Variants in PISD observed in about 807,000 individuals in gnomAD.
PISD encodes phosphatidylserine decarboxylase.
Under a neutral mutation model 43.5 loss-of-function variants are expected in PISD, and 31 were observed. The observed-to-expected ratio is 0.71, with a 90% CI of 0.54 to 0.96. The LOEUF (loss-of-function observed/expected upper bound fraction) is 0.96, where lower values mean the gene tolerates loss of function less well. Ranked by LOEUF, PISD falls within the 40% of genes least tolerant of loss-of-function variation. The probability of loss-of-function intolerance (pLI) is 0.00; values close to 1 mark genes in which losing one functional copy is unlikely to be tolerated. For missense variants in PISD, 523 were observed against 548.4 expected, an observed-to-expected ratio of 0.95 and a Z score of 0.46; for synonymous variants, 259 against 228.7, an observed-to-expected ratio of 1.13 and a Z score of -1.20.
intron 3 of PISD, among the ~76,000 whole-genome samples, chr22:31,639,241 G>A (rs558796596): frequency 3.3e-5 from 5 of 149,518 alleles, no homozygotes; most frequent in Non-Finnish European, 3.0e-5. Context: ...GCGCAGTCTC[G>A]GCTCACTGCA....
rs2072326904 is a variant in PISD at position 31,619,075 on chromosome 22, C to T, written c.*537G>A. On this transcript the variant is annotated 3_prime_UTR_variant, in exon 8 of 8. Coordinates refer to ENST00000439502, the MANE Select transcript of PISD (RefSeq NM_001326411.2). ...GCCACAAGCACAAAGACTGCTTTTT[C>T]TAAAGAGCAGGATGAGGTGAATGTG... The T allele has an allele frequency of 4.3e-6, 1 of 232,404 alleles. No individual in the cohort carries two copies. Among genetic ancestry groups the T allele is most frequent in the Admixed American group, 5.2e-5 (1 of 19,164 alleles). 14.4% of individuals were successfully genotyped at this position (232,404 alleles called of 1,614,324 possible). A position where few individuals can be genotyped will look rare whatever the true frequency, so the allele number is the denominator to read the frequency against.
At chr22:31,628,780 G>A (rs2073043597) in intron 3 of PISD, 1 of 974,426 alleles carries the variant, frequency 1.0e-6, no homozygotes, top group Non-Finnish European at 1.2e-6. Context: ...CCATGGCCCA[G>A]AACAACTGCT....
chr22:31,624,715 AC>A (rs2072787964), intron 3 of PISD, among the ~76,000 whole-genome samples: 2 of 28,548 alleles, frequency 7.0e-5, no homozygotes, highest in African/African-American at 4.9e-4. Context: ...AAAGGTGGAC[AC>A]ACACACACAC....
intron 3 of PISD, among the ~76,000 whole-genome samples, chr22:31,639,259 C>A (rs2073618074): frequency 6.6e-6 from 1 of 152,034 alleles, no homozygotes; most frequent in African/African-American, 2.4e-5. Context: ...GCAACCTCCG[C>A]CTGCTGGGTT....
At chr22:31,627,893 T>C in intron 3 of PISD, 2 of 337,234 alleles carry the variant, frequency 5.9e-6, no homozygotes, top group South Asian at 2.4e-4. Context: ...GGGGCCCTAC[T>C]GAGGAATCAA....
chr22:31,637,592 G>A (rs550349408), intron 3 of PISD, among the ~76,000 whole-genome samples: 114 of 152,136 alleles, frequency 7.5e-4, no homozygotes, highest in Non-Finnish European at 1.3e-3. Flanking sequence ...ACGCTGGGAC[G>A]TGCATGTCAC....
chr22:31,652,554 C>T (rs899146682), intron 1 of PISD, among the ~76,000 whole-genome samples: 2 of 151,902 alleles, frequency 1.3e-5, no homozygotes, highest in African/African-American at 4.8e-5. Context: ...CGCCTGGAAT[C>T]CCAGCACTTT....
At chr22:31,653,770 G>T (rs1183891142) in intron 1 of PISD, among the ~76,000 whole-genome samples, 1 of 152,138 alleles carries the variant, frequency 6.6e-6, no homozygotes, top group East Asian at 1.9e-4. Flanking sequence ...ATCACTTGAG[G>T]TCAGGAGTTC....
intron 3 of PISD, among the ~76,000 whole-genome samples, chr22:31,636,360 C>G (rs2073434550): frequency 6.6e-6 from 1 of 152,202 alleles, no homozygotes; most frequent in African/African-American, 2.4e-5. Flanking sequence ...GCAAGCCCAG[C>G]TGAGTAAGGC....
chr22:31,636,671 C>T (rs969206132), intron 3 of PISD, among the ~76,000 whole-genome samples: 76 of 152,300 alleles, frequency 5.0e-4, no homozygotes, highest in Non-Finnish European at 9.4e-4. Context: ...TCCCAAGTAG[C>T]TGGGACTACA....
rs1408468508 is a variant in PISD at position 31,640,961 on chromosome 22, C to A, written c.321+7140G>T. Among the ~76,000 whole-genome samples the A allele has an allele frequency of 2.2e-5, 3 of 136,608 alleles. No individual in the cohort carries two copies. In the East Asian group the frequency reaches 6.7e-4, roughly 30 times the overall value. 89.6% of individuals were successfully genotyped at this position (136,608 alleles called of 152,430 possible). ...GGAGTGCAATGGCGCAATCTCGGCT[C>A]ACTGCAACCTCCACCTCCTGGGTTC... On this transcript the variant is annotated intron_variant, in intron 3 of 7. Transcript: ENST00000439502.
At chr22:31,620,941 A>G (rs1043078406) in intron 6 of PISD, 55 bp downstream of exon 6, 1 of 1,546,458 alleles carries the variant, frequency 6.5e-7, no homozygotes, top group Non-Finnish European at 8.7e-7. Flanking sequence ...AGAAGCTGAG[A>G]GCCTCTATAT....
At position 31,630,810 on chromosome 22, in the gene PISD, G is replaced by C; in HGVS notation, c.322-8925C>G. ...GCCGGCTCCGCTCACTCACCCGCAGGTGGCTCCAGCTTCCGGGCTCCGACT... is the reference window on the plus strand; with the variant it reads ...GCCGGCTCCGCTCACTCACCCGCAGCTGGCTCCAGCTTCCGGGCTCCGACT... On this transcript the variant is annotated intron_variant, in intron 3 of 7. Coordinates refer to ENST00000439502, the MANE Select transcript of PISD (RefSeq NM_001326411.2). This position sits in a 1 kb window ranked among gnomAD's most constrained non-coding sequence, Gnocchi z 4.4. 1 of 985,548 alleles carries C rather than the reference G, an allele frequency of 1.0e-6. No individual in the cohort carries two copies. The highest frequency in any genetic ancestry group is 1.1e-4 in the East Asian group (1 of 8,812). 61.1% of individuals were successfully genotyped at this position (985,548 alleles called of 1,614,324 possible). A position where few individuals can be genotyped will look rare whatever the true frequency, so the allele number is the denominator to read the frequency against.
chr22:31,631,127 G>A (rs1410008675), intron 3 of PISD, among the ~76,000 whole-genome samples: 1 of 151,588 alleles, frequency 6.6e-6, no homozygotes, highest in Non-Finnish European at 1.5e-5. Flanking sequence ...GCTCCCAAGG[G>A]ATGCCTCCTG....
At position 31,662,209 on chromosome 22, in the gene PISD, C is replaced by G. The variant is rs1227309284; in HGVS notation, c.-1G>C. On this transcript the variant is annotated 5_prime_UTR_variant, in exon 1 of 8. Coordinates refer to ENST00000439502, the MANE Select transcript of PISD (RefSeq NM_001326411.2). ...ATCGGTGCCCCACGGACGTCGCCATCTTGTCTGCTCCTTCTCAGCGTGCCA... is the reference window on the plus strand; with the variant it reads ...ATCGGTGCCCCACGGACGTCGCCATGTTGTCTGCTCCTTCTCAGCGTGCCA... The G allele has an allele frequency of 2.5e-6, 4 of 1,603,330 alleles. No individual in the cohort carries two copies. The African/African-American group carries it at 4.0e-5, about 16-fold the overall frequency.
chr22:31,642,923 A>G (rs1442844693), intron 3 of PISD, among the ~76,000 whole-genome samples: 5 of 151,454 alleles, frequency 3.3e-5, no homozygotes, highest in Non-Finnish European at 5.9e-5. Context: ...ACCAACATGG[A>G]GCATCCCCGT....
chr22:31,624,467 C>A (rs1475627167), intron 3 of PISD, among the ~76,000 whole-genome samples: 5 of 152,106 alleles, frequency 3.3e-5, no homozygotes. Flanking sequence ...GGGGCCAAGG[C>A]CAGACAAGAT....
At position 31,662,141 on chromosome 22, in the gene PISD, T is replaced by C. The variant is rs1569495030; in HGVS notation, c.65+3A>G. The C allele has an allele frequency of 1.2e-6, 2 of 1,607,632 alleles. No homozygotes were observed. The highest frequency in any genetic ancestry group is 1.3e-5 in the African/African-American group (1 of 75,048). On this transcript the variant is annotated splice_donor_region_variant and intron_variant, in intron 1 of 7. Coordinates refer to ENST00000439502, the MANE Select transcript of PISD (RefSeq NM_001326411.2). ...CCAAGGTAGTCTCTCCGCGCTGCTA[T>C]ACCTGCTCCGCCACGGCGCGACCCC...
At chr22:31,626,441 G>C (rs1357120663) in intron 3 of PISD, 1 of 152,522 alleles carries the variant, frequency 6.6e-6, no homozygotes, top group East Asian at 1.9e-4. Flanking sequence ...TGAGGAATGA[G>C]ATGAGCGGGA....
Sources: gnomAD v4.1 joint callset for allele counts (sites outside exome capture counted in the v4.1 genomes callset) on GRCh38, gnomAD v4.1.1 for gene constraint, Gnocchi (gnomAD v3.1) non-coding constraint, MANE v1.5 for transcripts, NCBI Gene and HGNC (gene_info 2026-07-23, HGNC 2026-07-21) for gene names.